Variants in AGL observed in about 807,000 individuals in gnomAD.
AGL encodes amylo-alpha-1,6-glucosidase and 4-alpha-glucanotransferase, also known as glycogen debranching enzyme.
A neutral mutation model predicts 199.3 loss-of-function variants in AGL; 128 were observed. That is an observed-to-expected ratio of 0.64 (90% CI 0.56 to 0.74). The LOEUF (loss-of-function observed/expected upper bound fraction) is 0.74, where lower values mean the gene tolerates loss of function less well. Ranked by LOEUF, AGL falls within the 30% of genes least tolerant of loss-of-function variation. The pLI, the probability that AGL is intolerant of heterozygous loss-of-function variation, is 0.00. For synonymous variants in AGL, 584 were observed against 594.7 expected, an observed-to-expected ratio of 0.98 and a Z score of 0.26; for missense variants, 1,809 against 1,820.8, an observed-to-expected ratio of 0.99 and a Z score of 0.12.
At chr1:99,852,357 T>C (rs891087812) in intron 2 of AGL, among the ~76,000 whole-genome samples, 10 of 149,480 alleles carry the variant, frequency 6.7e-5, no homozygotes, top group South Asian at 2.1e-4. Context: ...ATTTCTTTTT[T>C]TTTTTTTTTT....
In AGL at chr1:99,857,118, G is replaced by A. The variant is rs1557742494; in HGVS notation, c.83-4385G>A. 2.6e-5 allele frequency among the ~76,000 whole-genome samples: 4 copies of A among 151,798 alleles called. No homozygotes were observed. In the South Asian group the frequency reaches 8.3e-4, roughly 32 times the overall value. On this transcript the variant is annotated intron_variant, in intron 2 of 33. Transcript: ENST00000361915. ...ACGGGGCGGCTGGCCGGGCAGAGGG[G>A]CTCTTCACTTCCCAGTAGGGGCGGC...
intron 11 of AGL, among the ~76,000 whole-genome samples, chr1:99,877,332 G>A (rs192264527): frequency 6.6e-6 from 1 of 152,188 alleles, no homozygotes; most frequent in East Asian, 1.9e-4. Flanking sequence ...AATGTTTTTG[G>A]TAGAACTATG....
Position 99,881,322 on chromosome 1 carries a change from A to T in AGL, c.2032A>T (p.Thr678Ser). The change falls in exon 16 of 34, where the codon ACT becomes TCT. Residue 678 changes from threonine (T) to serine (S), a missense_variant. Coordinates refer to ENST00000361915, the MANE Select transcript of AGL (RefSeq NM_000642.3). ...AGTGGTTTCTGAAGAACGGTTTTAC[A>T]CTAAGTGGAATCCTGAAGCATTGCC... ...ISVVSEERFY[T>S]KWNPEALPSN... 1.2e-6 allele frequency: 2 copies of T among 1,614,128 alleles called. No homozygotes were observed. Among genetic ancestry groups the T allele is most frequent in the South Asian group, 2.2e-5 (2 of 91,090 alleles).
chr1:99,921,710 G>A lies in AGL; in HGVS notation c.*59G>A. 3 of 1,192,834 alleles carry A rather than the reference G, an allele frequency of 2.5e-6. 1 individual carries two copies. In the South Asian group the frequency reaches 3.8e-5, roughly 15 times the overall value. 73.9% of individuals were successfully genotyped at this position (1,192,834 alleles called of 1,614,324 possible). On this transcript the variant is annotated 3_prime_UTR_variant, in exon 34 of 34. Transcript: ENST00000361915. ...ATTATAGGATGCAAGGTCATCATAT[G>A]TAAATGCCTTATATGCACAGGCTCA...
Position 99,870,572 on chromosome 1 carries a change from C to A in AGL, c.837C>A (p.His279Gln), listed in dbSNP as rs1242665410. The change falls in exon 6 of 34, where the codon CAC (histidine) becomes CAA (glutamine). Residue 279 changes from histidine to glutamine, a missense_variant. By Grantham distance (24) the His-to-Gln change is conservative (BLOSUM62 0). Transcript: ENST00000361915. The part of the protein sequence containing the change: ...KGIPALIEND[H>Q]HMNSIRKIIW... Reference sequence around the variant, plus strand: ...TACCTGCTTTGATTGAAAATGATCACCATATGAATGTCAGTATGTACAGAG... The same window carrying A: ...TACCTGCTTTGATTGAAAATGATCAACATATGAATGTCAGTATGTACAGAG... The A allele has an allele frequency of 1.9e-6, 3 of 1,613,894 alleles. No individual in the cohort carries two copies. The highest frequency in any genetic ancestry group is 1.7e-6 in the Non-Finnish European group (2 of 1,179,934).
chr1:99,861,523 T>C lies in AGL; in HGVS notation c.103T>C (p.Leu35=), dbSNP rs370307706. 164 of 1,613,870 alleles carry C rather than the reference T, an allele frequency of 1.0e-4. No individual in the cohort carries two copies. The highest frequency in any genetic ancestry group is 1.3e-4 in the Non-Finnish European group (155 of 1,179,942). The change falls in exon 3 of 34, where the codon TTA becomes CTA. Residue 35 remains leucine (L), a synonymous_variant. Coordinates refer to ENST00000361915, the MANE Select transcript of AGL (RefSeq NM_000642.3). ...TTTAGGGTATGAGCTACAGTTCCGA[T>C]TAGGCCCAACTTTACAGGGAAAAGC... ...LEQGYELQFR[L]GPTLQGKAVT... is the part of the protein sequence containing the mutation.
At chr1:99,893,883 T>C (rs926543626) in intron 24 of AGL, among the ~76,000 whole-genome samples, 1 of 152,152 alleles carries the variant, frequency 6.6e-6, no homozygotes, top group African/African-American at 2.4e-5. Context: ...CCTTTGGTTA[T>C]AGTATTGCAA....
intron 33 of AGL, 113 bp from the exon 34 acceptor site, chr1:99,921,421 A>G (rs1655502219): frequency 3.9e-6 from 3 of 765,962 alleles, no homozygotes; most frequent in Non-Finnish European, 7.1e-6. Context: ...TTTTGTAGCA[A>G]ATGACTACAT....
At chr1:99,891,885 A>C in intron 23 of AGL, 146 bp downstream of exon 23, 2 of 909,006 alleles carry the variant, frequency 2.2e-6, no homozygotes, top group Non-Finnish European at 3.5e-6. Flanking sequence ...ATTTATTAGC[A>C]TCCTTTAGTC....
rs1293110437 is a variant in AGL at position 99,913,743 on chromosome 1, G to T, written c.4161+5G>T. The T allele has an allele frequency of 1.2e-6, 2 of 1,612,554 alleles. No individual in the cohort carries two copies. The highest frequency in any genetic ancestry group is 1.7e-6 in the Non-Finnish European group (2 of 1,178,702). On this transcript the variant is annotated splice_donor_5th_base_variant and intron_variant, in intron 30 of 33. Coordinates refer to ENST00000361915, the MANE Select transcript of AGL (RefSeq NM_000642.3). ...TTTACCATAGCAATGGTTGTGGTAG[G>T]TGATTCGTTTGTAAAAACATTTCAA...
At chr1:99,851,220 A>T in intron 2 of AGL, 96 bp downstream of exon 2, 1 of 1,137,576 alleles carries the variant, frequency 8.8e-7, no homozygotes, top group Non-Finnish European at 1.3e-6. Flanking sequence ...TAAGATAAAT[A>T]TTATTTCCAA....
In AGL at chr1:99,902,746, C is replaced by T. The variant is rs771853367; in HGVS notation, c.3652C>T (p.Arg1218Ter). Residue 1218 changes from arginine (R) to a stop codon, truncating the protein, a stop_gained, in exon 27 of 34, where the codon CGA (arginine) becomes TGA (stop). Coordinates refer to ENST00000361915, the MANE Select transcript of AGL (RefSeq NM_000642.3). LOFTEE classifies it high-confidence loss of function. ...MQKHMQGIQF[R>*]ERNAGPQIDR... ...AAAACACATGCAGGGCATACAGTTC[C>T]GAGAAAGGAATGCTGGTCCCCAGAT... is the stretch of plus-strand genomic sequence containing the variant. 6.8e-6 allele frequency: 11 copies of T among 1,613,276 alleles called. No individual in the cohort carries two copies. Among genetic ancestry groups the T allele is most frequent in the Admixed American group, 1.7e-5 (1 of 59,982 alleles).
chr1:99,851,240 A>T, intron 2 of AGL, 116 bp downstream of exon 2: 1 of 950,616 alleles, frequency 1.1e-6, no homozygotes, highest in Admixed American at 1.8e-5. Flanking sequence ...AGGGTCTAAA[A>T]CTTGATTTGT....
chr1:99,861,999 G>GT (rs1228847405), intron 3 of AGL, among the ~76,000 whole-genome samples: 1 of 152,058 alleles, frequency 6.6e-6, no homozygotes, highest in Non-Finnish European at 1.5e-5. Flanking sequence ...TTACTGATAG[G>GT]TTTTAGTATA....
At chr1:99,863,514 G>A (rs115695075) in intron 4 of AGL, among the ~76,000 whole-genome samples, 1 of 151,890 alleles carries the variant, frequency 6.6e-6, no homozygotes, top group Non-Finnish European at 1.5e-5. Flanking sequence ...TCATTTTGGC[G>A]CAATCTCGGC....
chr1:99,904,209 G>A lies in AGL; in HGVS notation c.3700+1415G>A, dbSNP rs576399522. ...CATCTCATGGCACACTATCATCGCC[G>A]CCAATGCAAGGCTAATAGTAATTTA... On this transcript the variant is annotated intron_variant, in intron 27 of 33. Transcript: ENST00000361915. 3.0e-4 allele frequency among the ~76,000 whole-genome samples: 45 copies of A among 152,196 alleles called. No individual in the cohort carries two copies. In the East Asian group the frequency reaches 6.9e-3, roughly 24 times the overall value.
At chr1:99,863,872 GCTCAAGTAGTC>G (rs991899439) in intron 4 of AGL, among the ~76,000 whole-genome samples, 1 of 151,652 alleles carries the variant, frequency 6.6e-6, no homozygotes, top group Non-Finnish European at 1.5e-5. Flanking sequence ...GAACTCCTGG[GCTCAAGTAGTC>G]CTCTTGCCTT....
chr1:99,879,584 CAATAAATAAATA>C (rs199927371), intron 12 of AGL, among the ~76,000 whole-genome samples: 1 of 151,046 alleles, frequency 6.6e-6, no homozygotes, highest in Non-Finnish European at 1.5e-5. Flanking sequence ...AACTTGGTCT[CAATAAATAAATA>C]AATAAATAAA....
intron 2 of AGL, among the ~76,000 whole-genome samples, chr1:99,856,900 T>G: frequency 6.6e-6 from 1 of 152,238 alleles, no homozygotes; most frequent in East Asian, 1.9e-4. Context: ...CTCCCCCTTT[T>G]CTATTCCACA....
Sources: gnomAD v4.1 joint callset for allele counts (sites outside exome capture counted in the v4.1 genomes callset) on GRCh38, gnomAD v4.1.1 for gene constraint, MANE v1.5 for transcripts, NCBI Gene and HGNC (gene_info 2026-07-23, HGNC 2026-07-21) for gene names.